The following CDIN1 variants were observed in gnomAD, a reference collection of about 807,000 sequenced individuals.
CDIN1 encodes CDAN1 interacting nuclease 1.
CDIN1 carries 33 observed loss-of-function variants against 45.3 expected under a neutral mutation model. That is an observed-to-expected ratio of 0.73 (90% CI 0.55 to 0.97). The LOEUF (loss-of-function observed/expected upper bound fraction) is 0.97, where lower values mean the gene tolerates loss of function less well. Ranked by LOEUF, CDIN1 falls within the 50% of genes least tolerant of loss-of-function variation. CDIN1 has a pLI of 0.00. For missense variants in CDIN1, 303 were observed against 339.4 expected, an observed-to-expected ratio of 0.89 and a Z score of 0.84; for synonymous variants, 118 against 124.4, an observed-to-expected ratio of 0.95 and a Z score of 0.34.
At chr15:36,791,552 T>C (rs1447178452) in intron 10 of CDIN1, among the ~76,000 whole-genome samples, 2 of 152,156 alleles carry the variant, frequency 1.3e-5, no homozygotes, top group Non-Finnish European at 1.5e-5. Flanking sequence ...ACCATATATC[T>C]GTAGAGGCAT....
intron 1 of CDIN1, among the ~76,000 whole-genome samples, chr15:36,604,641 C>A (rs1386911601): frequency 6.6e-6 from 1 of 151,980 alleles, no homozygotes; most frequent in Admixed American, 6.6e-5. Flanking sequence ...AGAAAGTATA[C>A]CTACTTAACA....
intron 1 of CDIN1, chr15:36,614,332 C>A (rs7168351): frequency 1.5e-5 from 8 of 548,480 alleles, no homozygotes; most frequent in Non-Finnish European, 2.5e-5. Flanking sequence ...TTCGCCACCC[C>A]CTTCTCCCCT....
intron 1 of CDIN1, among the ~76,000 whole-genome samples, chr15:36,588,445 T>G (rs2037409188): frequency 6.6e-6 from 1 of 152,140 alleles, no homozygotes. Flanking sequence ...TCCAGAATAA[T>G]AAGTGAGAAT....
intron 5 of CDIN1, among the ~76,000 whole-genome samples, chr15:36,675,215 C>CA (rs935195134): frequency 2.0e-5 from 3 of 151,990 alleles, no homozygotes; most frequent in African/African-American, 7.2e-5. Context: ...CTAAAGTCAG[C>CA]AAAAAATGTA....
At chr15:36,629,356 C>G (rs2039583871) in intron 1 of CDIN1, among the ~76,000 whole-genome samples, 1 of 152,064 alleles carries the variant, frequency 6.6e-6, no homozygotes, top group Non-Finnish European at 1.5e-5. Context: ...TGGGTCAGAA[C>G]TGATCATCTT....
chr15:36,798,072 C>T (rs2141114581), intron 10 of CDIN1, among the ~76,000 whole-genome samples: 1 of 146,012 alleles, frequency 6.8e-6, no homozygotes, highest in East Asian at 2.0e-4. Flanking sequence ...AGTAGTAACA[C>T]TGACATCTTC....
rs143900722 is a variant in CDIN1, at chr15:36,786,584, T to C, written c.717-21740T>C. 3.8e-3 allele frequency among the ~76,000 whole-genome samples: 579 copies of C among 152,298 alleles called. 6 individuals are homozygous for C. Among genetic ancestry groups the C allele is most frequent in the African/African-American group, 0.013 (556 of 41,554 alleles). On this transcript the variant is annotated intron_variant, in intron 10 of 10. Transcript: ENST00000566621. The stretch of plus-strand genomic sequence containing the variant: ...CTGTTTTATGACACACAAGATCATA[T>C]TAGACCCCAGTATACTGGCCACCAA...
intron 1 of CDIN1, chr15:36,618,600 T>C (rs1188993493): frequency 9.6e-6 from 8 of 836,906 alleles, no homozygotes; most frequent in Non-Finnish European, 1.7e-5. Flanking sequence ...GGATGTCTGA[T>C]GTTGTTAAAG....
Position 36,703,566 on chromosome 15 carries a change from G to A in CDIN1, c.545-5657G>A, listed in dbSNP as rs368625101. Among the ~76,000 whole-genome samples the A allele has an allele frequency of 3.3e-5, 5 of 151,664 alleles. No homozygotes were observed. In the East Asian group the frequency reaches 7.8e-4, roughly 24 times the overall value. ...GCCGGACAGGATAACATACAGGACA[G>A]CAGAATAAAAAATCTCCCTCTCCCT... On this transcript the variant is annotated intron_variant, in intron 8 of 10. Coordinates refer to ENST00000566621, the MANE Select transcript of CDIN1 (RefSeq NM_001321759.2).
intron 10 of CDIN1, among the ~76,000 whole-genome samples, chr15:36,738,846 TG>T (rs1211392077): frequency 6.6e-6 from 1 of 152,252 alleles, no homozygotes; most frequent in Non-Finnish European, 1.5e-5. Context: ...GATTTTTGTC[TG>T]TTTTGTTTAC....
intron 10 of CDIN1, among the ~76,000 whole-genome samples, chr15:36,787,033 T>G (rs566033195): frequency 3.3e-5 from 5 of 152,314 alleles, no homozygotes; most frequent in African/African-American, 9.6e-5. Context: ...GTCTCCTTAC[T>G]CCTCCAACAG....
At chr15:36,587,709 C>A (rs1402677010) in intron 1 of CDIN1, among the ~76,000 whole-genome samples, 1 of 152,070 alleles carries the variant, frequency 6.6e-6, no homozygotes, top group Non-Finnish European at 1.5e-5. Flanking sequence ...TTCTTCTTGC[C>A]TCCTATCACA....
intron 10 of CDIN1, among the ~76,000 whole-genome samples, chr15:36,717,303 T>A (rs1453325292): frequency 6.6e-6 from 1 of 152,158 alleles, no homozygotes; most frequent in Non-Finnish European, 1.5e-5. Flanking sequence ...TCCTGATGCC[T>A]CTTTATAATC....
At chr15:36,615,313 G>A (rs559581215) in intron 1 of CDIN1, among the ~76,000 whole-genome samples, 2 of 152,232 alleles carry the variant, frequency 1.3e-5, no homozygotes, top group Non-Finnish European at 2.9e-5. Flanking sequence ...GTTTCTAGGA[G>A]GTCTGTTAGG....
chr15:36,776,899 G>A (rs191474792), intron 10 of CDIN1, among the ~76,000 whole-genome samples: 42 of 151,998 alleles, frequency 2.8e-4, no homozygotes, highest in Non-Finnish European at 4.7e-4. Context: ...TTGCCAATTC[G>A]CTTTCATTTG....
chr15:36,629,900 A>T (rs1422688991), intron 1 of CDIN1, among the ~76,000 whole-genome samples: 2 of 152,192 alleles, frequency 1.3e-5, no homozygotes, highest in Non-Finnish European at 2.9e-5. Context: ...AATATTTTGT[A>T]TATGTGCATA....
chr15:36,610,219 TG>T (rs2038583849), intron 1 of CDIN1, among the ~76,000 whole-genome samples: 2 of 152,244 alleles, frequency 1.3e-5, no homozygotes, highest in Non-Finnish European at 2.9e-5. Context: ...GATAATTGCA[TG>T]TTGAAATGAT....
intron 5 of CDIN1, among the ~76,000 whole-genome samples, chr15:36,685,793 A>G (rs1324726874): frequency 3.9e-5 from 6 of 152,380 alleles, no homozygotes; most frequent in Non-Finnish European, 7.3e-5. Flanking sequence ...TATGTGGCCA[A>G]CAGACACATG....
intron 1 of CDIN1, chr15:36,626,654 C>T (rs967170613): frequency 1.4e-5 from 5 of 368,444 alleles, no homozygotes; most frequent in African/African-American, 6.4e-5. Context: ...GCAACAAAGC[C>T]ATTTGCAGAG....
Sources: gnomAD v4.1 joint callset for allele counts (sites outside exome capture counted in the v4.1 genomes callset) on GRCh38, gnomAD v4.1.1 for gene constraint, MANE v1.5 for transcripts, NCBI Gene and HGNC (gene_info 2026-07-23, HGNC 2026-07-21) for gene names.